Variants in NUDC observed in about 807,000 individuals in gnomAD.
The protein encoded by NUDC is nuclear migration protein nudC.
A neutral mutation model predicts 45.0 loss-of-function variants in NUDC; 14 were observed. The observed-to-expected ratio is 0.31, with a 90% confidence interval of 0.21 to 0.49. The LOEUF (loss-of-function observed/expected upper bound fraction) is 0.49, where lower values mean the gene tolerates loss of function less well. NUDC is among the 20% of genes least tolerant of loss of function. The probability of loss-of-function intolerance (pLI) is 0.99; values close to 1 mark genes in which losing one functional copy is unlikely to be tolerated. For missense variants in NUDC, 323 were observed against 426.2 expected, an observed-to-expected ratio of 0.76 and a Z score of 2.13; for synonymous variants, 153 against 156.7, an observed-to-expected ratio of 0.98 and a Z score of 0.17.
chr1:26,933,933 T>TCACC (rs982581549), intron 2 of NUDC, among the ~76,000 whole-genome samples: 2 of 152,006 alleles, frequency 1.3e-5, no homozygotes, highest in Non-Finnish European at 2.9e-5. Context: ...GGTGGGCAGA[T>TCACC]CACGAGGTCA....
chr1:26,903,485 T>C (rs34026565), intron 2 of NUDC, among the ~76,000 whole-genome samples: 10,215 of 152,230 alleles, frequency 0.067, 380 homozygotes, highest in Non-Finnish European at 0.078. Flanking sequence ...GTTTAAAATG[T>C]AAAAATATTA....
Position 26,942,882 on chromosome 1 carries a change from T to G in NUDC, c.558T>G (p.Pro186=), listed in dbSNP as rs757800953. 1 of 1,613,792 alleles carries G rather than the reference T, an allele frequency of 6.2e-7. No homozygotes were observed. Among genetic ancestry groups the G allele is most frequent in the East Asian group, 2.2e-5 (1 of 44,868 alleles). ...QTLSELDLAV[P]FCVNFRLKGK... is the part of the protein sequence containing the mutation. ...TCTGCCCTATGCAGCTGGCGGTCCC[T>G]TTCTGTGTGAACTTCCGGCTGAAAG... Residue 186 remains proline, a synonymous_variant, in exon 6 of 9, where the codon CCT becomes CCG. Coordinates refer to ENST00000321265, the MANE Select transcript of NUDC (RefSeq NM_006600.4).
At chr1:26,941,391 CT>C in intron 2 of NUDC, 65 bp from the exon 3 acceptor site, 1 of 1,547,898 alleles carries the variant, frequency 6.5e-7, no homozygotes. Context: ...GAGAGTGGGG[CT>C]GGACTCCAGG....
intron 2 of NUDC, chr1:26,911,012 T>C (rs764269986): frequency 7.3e-6 from 3 of 412,362 alleles, no homozygotes; most frequent in African/African-American, 2.1e-5. Context: ...CAAATCCTGG[T>C]GGTCCAGCTA....
intron 2 of NUDC, among the ~76,000 whole-genome samples, chr1:26,903,982 G>T: frequency 6.7e-6 from 1 of 148,266 alleles, no homozygotes; most frequent in Non-Finnish European, 1.5e-5. Flanking sequence ...CTGCACTCCA[G>T]CCTGGGTGAC....
upstream of NUDC, among the ~76,000 whole-genome samples, chr1:26,920,950 CAAA>C (rs2082087446): frequency 6.6e-6 from 1 of 151,778 alleles, no homozygotes; most frequent in Admixed American, 6.6e-5. Context: ...TAAAAACAAA[CAAA>C]AAGATATTAA....
At chr1:26,911,106 C>T in intron 2 of NUDC, 3 of 470,958 alleles carry the variant, frequency 6.4e-6, no homozygotes, top group Non-Finnish European at 1.3e-5. Context: ...AATAATGGAC[C>T]ACTCTCTTTT....
At chr1:26,932,903 A>G (rs2082195105) in intron 2 of NUDC, among the ~76,000 whole-genome samples, 1 of 152,158 alleles carries the variant, frequency 6.6e-6, no homozygotes, top group Admixed American at 6.6e-5. Flanking sequence ...ACATTGTAGC[A>G]TGTGACAGGA....
chr1:26,913,278 C>A (rs2082039043), intron 3 of NUDC: 4 of 857,674 alleles, frequency 4.7e-6, no homozygotes, highest in Middle Eastern at 3.1e-4. Context: ...CAGAGTGAGA[C>A]TCTGTCTCAG....
At chr1:26,912,140 A>G (rs2082031797) in intron 3 of NUDC, 2 of 1,606,922 alleles carry the variant, frequency 1.2e-6, no homozygotes, top group South Asian at 2.2e-5. Flanking sequence ...CCAGCCACCA[A>G]AGGACAAGAC....
intron 2 of NUDC, among the ~76,000 whole-genome samples, chr1:26,936,527 T>C (rs2082235755): frequency 1.3e-5 from 2 of 151,380 alleles, no homozygotes; most frequent in African/African-American, 4.9e-5. Flanking sequence ...GGTTTCACCT[T>C]GTTGGCCAGG....
intron 1 of NUDC, 167 bp downstream of exon 1, chr1:26,922,096 C>T: frequency 4.2e-6 from 3 of 706,084 alleles, no homozygotes; most frequent in Non-Finnish European, 7.2e-6. Context: ...CAGCAGGTCT[C>T]ACCCGGTTCG....
chr1:26,914,116 G>A (rs1309701310), intron 3 of NUDC: 2 of 504,486 alleles, frequency 4.0e-6, no homozygotes, highest in African/African-American at 3.9e-5. Context: ...TGGGGAAGTG[G>A]TGGGGGAGGG....
chr1:26,904,879 T>A (rs1206682089), intron 2 of NUDC, among the ~76,000 whole-genome samples: 2 of 149,612 alleles, frequency 1.3e-5, no homozygotes, highest in African/African-American at 4.9e-5. Context: ...TGAGACAGAG[T>A]CTTGCTCTGT....
rs2082228592 is a variant in NUDC at position 26,936,138 on chromosome 1, T to TAGATAG, written c.160-5318_160-5317insGATAGA. Among the ~76,000 whole-genome samples, 4 of 4,858 alleles carry TAGATAG rather than the reference T, an allele frequency of 8.2e-4. 1 individual carries two copies. The highest frequency in any genetic ancestry group is 2.5e-3 in the Non-Finnish European group (4 of 1,574). 3.2% of individuals were successfully genotyped at this position (4,858 alleles called of 152,430 possible). ...CACCCACCACCACGCCCGGCTAATA[T>TAGATAG]ATATATATATATATATATATATATA... is the stretch of plus-strand genomic sequence containing the variant. On this transcript the variant is annotated intron_variant, in intron 2 of 8. Transcript: ENST00000321265.
intron 2 of NUDC, among the ~76,000 whole-genome samples, chr1:26,924,683 A>G (rs906674884): frequency 3.9e-5 from 6 of 152,046 alleles, no homozygotes; most frequent in African/African-American, 1.5e-4. Flanking sequence ...CCTCCTGAGT[A>G]AGTGGGATTA....
intron 2 of NUDC, among the ~76,000 whole-genome samples, chr1:26,904,005 C>T (rs1286556928): frequency 3.6e-5 from 4 of 112,420 alleles, no homozygotes; most frequent in Non-Finnish European, 6.4e-5. Flanking sequence ...AGCAAGACTC[C>T]GTCTCAAAAT....
chr1:26,928,366 A>G (rs2082151325), intron 2 of NUDC, among the ~76,000 whole-genome samples: 1 of 152,242 alleles, frequency 6.6e-6, no homozygotes, highest in Non-Finnish European at 1.5e-5. Flanking sequence ...ACTTTTCAGC[A>G]TTAGAAAACT....
At chr1:26,907,367 C>A (rs576393800) in intron 2 of NUDC, among the ~76,000 whole-genome samples, 1 of 152,358 alleles carries the variant, frequency 6.6e-6, no homozygotes, top group East Asian at 1.9e-4. Flanking sequence ...ACTTACATGT[C>A]TTCCTCTGCC....
Sources: allele counts gnomAD v4.1 joint callset (sites outside exome capture counted in the v4.1 genomes callset), GRCh38; gene constraint gnomAD v4.1.1; transcripts MANE v1.5; gene names NCBI Gene and HGNC (gene_info 2026-07-23, HGNC 2026-07-21).